Variants in STK3 observed in about 807,000 individuals in gnomAD.
STK3 encodes serine/threonine-protein kinase 3.
A neutral mutation model predicts 58.0 loss-of-function variants in STK3; 41 were observed. The ratio of observed to expected loss-of-function variants is 0.71; its 90% confidence interval spans 0.55 to 0.92. The LOEUF (loss-of-function observed/expected upper bound fraction) is 0.92. STK3 is among the 40% of genes least tolerant of loss of function. STK3 has a pLI of 0.00. For synonymous variants in STK3, 170 were observed against 191.0 expected (o/e 0.89, Z 0.91); for missense variants, 479 against 602.7 (o/e 0.79, Z 2.15).
chr8:98,870,769 A>C (rs1837341774), intron 3 of STK3, among the ~76,000 whole-genome samples: 1 of 152,092 alleles, frequency 6.6e-6, no homozygotes, highest in Non-Finnish European at 1.5e-5. Context: ...TAGATTTAAA[A>C]ATTTTTCTCC....
chr8:98,718,005 C>T (rs1198281798), intron 4 of STK3, among the ~76,000 whole-genome samples: 1 of 152,182 alleles, frequency 6.6e-6, no homozygotes, highest in African/African-American at 2.4e-5. Context: ...TTACCAAAAT[C>T]ACACATCTAG....
intron 3 of STK3, among the ~76,000 whole-genome samples, chr8:98,407,773 T>A (rs568579172): frequency 6.8e-6 from 1 of 146,008 alleles, no homozygotes; most frequent in East Asian, 2.0e-4. Flanking sequence ...CGCGCGCGCA[T>A]GCATGGTATG....
intron 6 of STK3, among the ~76,000 whole-genome samples, chr8:98,619,296 C>A (rs1158961464): frequency 4.0e-5 from 6 of 151,232 alleles, no homozygotes; most frequent in Admixed American, 1.3e-4. Flanking sequence ...CTTCCTTACA[C>A]CTTATACAAA....
chr8:98,775,968 C>A (rs1831650863), intron 1 of STK3, among the ~76,000 whole-genome samples: 1 of 152,074 alleles, frequency 6.6e-6, no homozygotes, highest in African/African-American at 2.4e-5. Context: ...TAAGAAAAGA[C>A]ACATTAATTT....
At chr8:98,765,535 C>G (rs1162916743) in intron 3 of STK3, among the ~76,000 whole-genome samples, 1 of 152,152 alleles carries the variant, frequency 6.6e-6, no homozygotes, top group Admixed American at 6.5e-5. Flanking sequence ...CCCTGTGTCA[C>G]CAGCTCTAAG....
chr8:98,884,504 C>T (rs1457355384), intron 1 of STK3, among the ~76,000 whole-genome samples: 1 of 152,128 alleles, frequency 6.6e-6, no homozygotes, highest in African/African-American at 2.4e-5. Flanking sequence ...ATAGCTTATC[C>T]TACAGACCTT....
chr8:98,403,795 C>T lies in STK3; in HGVS notation n.484-2282G>A, dbSNP rs1016246026. On this transcript the variant is annotated intron_variant and non_coding_transcript_variant, in intron 3 of 3. Coordinates refer to the STK3 transcript ENST00000517832. ...GCAACCAAGGACGTGTCTTCATCCT[C>T]CAAACCTCCAGTGCCCTCCAGTGCT... Among the ~76,000 whole-genome samples the T allele has an allele frequency of 9.2e-5, 14 of 152,344 alleles. No individual in the cohort carries two copies. The East Asian group carries it at 2.7e-3, about 29-fold the overall frequency.
chr8:98,535,456 A>T (rs1809676436), intron 9 of STK3, among the ~76,000 whole-genome samples: 1 of 143,726 alleles, frequency 7.0e-6, no homozygotes, highest in African/African-American at 2.6e-5. Context: ...GCTTTCATTA[A>T]TTTTTTTTTT....
chr8:98,347,243 G>T, the STK3 span, among the ~76,000 whole-genome samples: 10 of 151,864 alleles, frequency 6.6e-5, no homozygotes, highest in Admixed American at 2.6e-4. Flanking sequence ...GGCCGGGCAC[G>T]GTGGCTCACG....
At chr8:98,500,539 T>C (rs919599743) in intron 10 of STK3, among the ~76,000 whole-genome samples, 2 of 151,572 alleles carry the variant, frequency 1.3e-5, no homozygotes, top group African/African-American at 2.4e-5. Flanking sequence ...CAGGCCCCCA[T>C]GTGTGATGTT....
intron 6 of STK3, among the ~76,000 whole-genome samples, chr8:98,602,988 A>G (rs770710872): frequency 6.6e-6 from 1 of 152,062 alleles, no homozygotes; most frequent in African/African-American, 2.4e-5. Flanking sequence ...TAAAATGCCA[A>G]TCCCCAGTAA....
the STK3 span, among the ~76,000 whole-genome samples, chr8:98,351,793 A>T: frequency 6.6e-6 from 1 of 152,210 alleles, no homozygotes; most frequent in Non-Finnish European, 1.5e-5. Context: ...GAAATGGCTA[A>T]TTCCAAATCC....
chr8:98,498,578 A>G (rs1823331082), intron 10 of STK3, among the ~76,000 whole-genome samples: 2 of 152,202 alleles, frequency 1.3e-5, no homozygotes, highest in Admixed American at 6.5e-5. Flanking sequence ...TTTTGCAACA[A>G]AAGAGTTTAT....
chr8:98,667,660 T>C (rs1822469308), intron 6 of STK3, among the ~76,000 whole-genome samples: 1 of 152,148 alleles, frequency 6.6e-6, no homozygotes, highest in Admixed American at 6.5e-5. Context: ...TAGACTCTGA[T>C]AGTCTTTTCT....
chr8:98,618,540 G>A (rs1458452452), intron 6 of STK3, among the ~76,000 whole-genome samples: 2 of 150,252 alleles, frequency 1.3e-5, no homozygotes, highest in Admixed American at 6.6e-5. Flanking sequence ...GTTTGCAGAC[G>A]ACATGATTGT....
At chr8:98,345,483 C>A in the STK3 span, among the ~76,000 whole-genome samples, 2 of 152,024 alleles carry the variant, frequency 1.3e-5, no homozygotes, top group South Asian at 4.1e-4. Flanking sequence ...AAATATTGGA[C>A]ACCAGATACA....
intron 6 of STK3, among the ~76,000 whole-genome samples, chr8:98,634,455 G>A (rs1320817792): frequency 6.6e-5 from 10 of 152,046 alleles, no homozygotes; most frequent in Non-Finnish European, 1.0e-4. Flanking sequence ...AGCGGAGATC[G>A]TGCCACTGCA....
intron 6 of STK3, among the ~76,000 whole-genome samples, chr8:98,688,263 T>C (rs193177103): frequency 1.3e-5 from 2 of 152,256 alleles, no homozygotes; most frequent in East Asian, 3.9e-4. Context: ...AGCACCCAGA[T>C]TTATGAAAAC....
intron 6 of STK3, among the ~76,000 whole-genome samples, chr8:98,668,751 A>G (rs567954668): frequency 1.3e-5 from 2 of 152,194 alleles, no homozygotes; most frequent in Admixed American, 6.5e-5. Context: ...ATACTCATCT[A>G]TTGCTTACTT....
Sources: gnomAD v4.1 joint callset for allele counts (sites outside exome capture counted in the v4.1 genomes callset) on GRCh38, gnomAD v4.1.1 for gene constraint, MANE v1.5 for transcripts, NCBI Gene and HGNC (gene_info 2026-07-23, HGNC 2026-07-21) for gene names.